The following PAX5 variants were observed in gnomAD, a reference collection of about 807,000 sequenced individuals.
PAX5 encodes the protein paired box protein Pax-5.
A neutral mutation model predicts 43.7 loss-of-function variants in PAX5; 9 were observed. That is an observed-to-expected ratio of 0.21 (90% confidence interval 0.12 to 0.36). The LOEUF (loss-of-function observed/expected upper bound fraction) is 0.36, where lower values mean the gene tolerates loss of function less well. Ranked by LOEUF, PAX5 falls within the 10% of genes least tolerant of loss-of-function variation. The pLI is 1.00. For missense variants in PAX5, 383 were observed against 532.7 expected, an observed-to-expected ratio of 0.72 and a Z score of 2.77; for synonymous variants, 228 against 214.3, an observed-to-expected ratio of 1.06 and a Z score of -0.56.
At chr9:36,942,418 T>C (rs1337068577) in intron 6 of PAX5, among the ~76,000 whole-genome samples, 1 of 152,266 alleles carries the variant, frequency 6.6e-6, no homozygotes, top group African/African-American at 2.4e-5. Context: ...TAGCGTCTGC[T>C]TGCCTTCATA....
intron 8 of PAX5, among the ~76,000 whole-genome samples, chr9:36,857,822 A>G (rs1404841804): frequency 6.6e-6 from 1 of 152,232 alleles, no homozygotes; most frequent in East Asian, 1.9e-4. Flanking sequence ...CAACTCCCCA[A>G]CAAGGCAGCT....
At chr9:36,936,450 A>G (rs1055001039) in intron 6 of PAX5, among the ~76,000 whole-genome samples, 1 of 152,178 alleles carries the variant, frequency 6.6e-6, no homozygotes, top group Non-Finnish European at 1.5e-5. Flanking sequence ...GCAGTCCATG[A>G]TGGGGCCCAG....
In PAX5 at chr9:36,959,638, G is replaced by A. The variant is rs566839524; in HGVS notation, c.780+6911C>T. The stretch of plus-strand genomic sequence containing the variant: ...GTCACCACCCTAGACTTCTGTTTAT[G>A]CCTCCTGAGATCACACTGGTTCATG... On this transcript the variant is annotated intron_variant, in intron 6 of 9. Coordinates refer to ENST00000358127, the MANE Select transcript of PAX5 (RefSeq NM_016734.3). Among the ~76,000 whole-genome samples the A allele has an allele frequency of 1.9e-4, 29 of 152,324 alleles. 1 individual carries two copies. In the South Asian group the frequency reaches 5.8e-3, roughly 30 times the overall value.
At chr9:36,874,952 T>C (rs544459485) in intron 8 of PAX5, among the ~76,000 whole-genome samples, 1 of 152,352 alleles carries the variant, frequency 6.6e-6, no homozygotes, top group East Asian at 1.9e-4. Context: ...CATCACTTAA[T>C]GCTCACATTT....
At chr9:36,985,350 C>T (rs908417642) in intron 5 of PAX5, among the ~76,000 whole-genome samples, 1 of 152,184 alleles carries the variant, frequency 6.6e-6, no homozygotes, top group Admixed American at 6.5e-5. Flanking sequence ...GGTTGGTTCT[C>T]AGTTGTTTAG....
intron 2 of PAX5, among the ~76,000 whole-genome samples, chr9:37,016,945 C>A (rs906660094): frequency 1.3e-5 from 2 of 152,146 alleles, no homozygotes; most frequent in Admixed American, 1.3e-4. Flanking sequence ...AAGAGTGAGT[C>A]ATTTACAAAT....
At chr9:36,842,306 C>A (rs926764188) in intron 9 of PAX5, among the ~76,000 whole-genome samples, 2 of 152,268 alleles carry the variant, frequency 1.3e-5, no homozygotes, top group East Asian at 1.9e-4. Context: ...CAGAGGAAGG[C>A]GGGTGTGTGT....
intron 5 of PAX5, among the ~76,000 whole-genome samples, chr9:36,979,637 A>G (rs903421284): frequency 5.9e-5 from 9 of 152,160 alleles, no homozygotes; most frequent in Admixed American, 1.3e-4. Flanking sequence ...AGAGACGGAA[A>G]GTGGCCTGCC....
At chr9:36,899,727 G>A (rs946184852) in intron 7 of PAX5, among the ~76,000 whole-genome samples, 3 of 152,068 alleles carry the variant, frequency 2.0e-5, no homozygotes, top group African/African-American at 7.2e-5. Context: ...TTTTTCCCCA[G>A]TCCAGGCATC....
intron 1 of PAX5, among the ~76,000 whole-genome samples, chr9:37,033,423 C>T: frequency 6.6e-6 from 1 of 152,172 alleles, no homozygotes; most frequent in Non-Finnish European, 1.5e-5. Flanking sequence ...TTCTCACATC[C>T]AAAAATCACT....
chr9:36,933,242 G>A (rs1189757213), intron 6 of PAX5, among the ~76,000 whole-genome samples: 3 of 151,984 alleles, frequency 2.0e-5, no homozygotes. Flanking sequence ...GCCTGTCACC[G>A]CTCATCAGCC....
chr9:36,946,780 GACAGTTGAGGC>G (rs1466287686), intron 6 of PAX5, among the ~76,000 whole-genome samples: 2 of 152,212 alleles, frequency 1.3e-5, no homozygotes, highest in Non-Finnish European at 2.9e-5. Flanking sequence ...ATCCCCAGGA[GACAGTTGAGGC>G]AACTTCTTTA....
intron 7 of PAX5, among the ~76,000 whole-genome samples, chr9:36,915,403 T>C (rs1292901643): frequency 6.6e-6 from 1 of 152,234 alleles, no homozygotes; most frequent in Non-Finnish European, 1.5e-5. Flanking sequence ...TGTTTTTAAG[T>C]GTCTCATGAT....
At position 37,034,098 on chromosome 9, in the gene PAX5, CTTTTTTTT is replaced by C. The variant is rs576653546; in HGVS notation, c.-75_-68del. ...TCCACTTTTTTGTGCCTTTTTTTTTCTTTTTTTTTTTTTTTTTTTTTTTTTTTTGGTGC... is the reference window on the plus strand; with the variant it reads ...TCCACTTTTTTGTGCCTTTTTTTTTCTTTTTTTTTTTTTTTTTTTTGGTGC... On this transcript the variant is annotated 5_prime_UTR_variant, in exon 1 of 10. Transcript: ENST00000358127. The C allele has an allele frequency of 1.3e-3, 419 of 319,682 alleles. No homozygotes were observed. Among genetic ancestry groups the C allele is most frequent in the Non-Finnish European group, 1.5e-3 (281 of 182,066 alleles). 19.8% of individuals were successfully genotyped at this position (319,682 alleles called of 1,614,324 possible).
chr9:37,020,744 T>A lies in PAX5; in HGVS notation c.104A>T (p.Asp35Val). 2 of 1,613,988 alleles carry A rather than the reference T, an allele frequency of 1.2e-6. No homozygotes were observed. Among genetic ancestry groups the A allele is most frequent in the Non-Finnish European group, 8.5e-7 (1 of 1,180,014 alleles). ...TTCCACTATCCTCTGGCGGACTACA[T>A]CCGGGAGTGGCCGTCCATTCACAAA... ...GVFVNGRPLP[D>V]VVRQRIVELA... The change falls in exon 2 of 10, where the codon GAT (aspartate) becomes GTT (valine). Residue 35 changes from aspartate to valine, a missense_variant. This residue lies in a region of PAX5 where 54 missense variants were observed against 68.6 expected (regional missense o/e 0.79). Coordinates refer to ENST00000358127, the MANE Select transcript of PAX5 (RefSeq NM_016734.3).
chr9:37,019,470 G>C lies in PAX5; in HGVS notation c.212+1166C>G, dbSNP rs559113400. ...TCCCCAAAGGAGCTGCCAGACCCCT[G>C]GTCCTAAAATTTCTTCCCTTGGCCT... On this transcript the variant is annotated intron_variant, in intron 2 of 9. Transcript: ENST00000358127. Among the ~76,000 whole-genome samples the C allele has an allele frequency of 2.0e-5, 3 of 152,244 alleles. No individual in the cohort carries two copies. The East Asian group carries it at 5.8e-4, about 29-fold the overall frequency.
At chr9:36,855,303 G>A (rs1823555280) in intron 8 of PAX5, among the ~76,000 whole-genome samples, 1 of 152,248 alleles carries the variant, frequency 6.6e-6, no homozygotes, top group African/African-American at 2.4e-5. Flanking sequence ...ATCTAGATCT[G>A]TTGTACTTGC....
intron 7 of PAX5, among the ~76,000 whole-genome samples, chr9:36,891,309 G>A (rs1490648665): frequency 6.6e-6 from 1 of 152,246 alleles, no homozygotes; most frequent in Non-Finnish European, 1.5e-5. Context: ...CGAAGCAGAT[G>A]ACAGTGAACA....
intron 1 of PAX5, among the ~76,000 whole-genome samples, chr9:37,028,624 G>A (rs964403442): frequency 5.9e-5 from 9 of 152,338 alleles, no homozygotes; most frequent in African/African-American, 2.2e-4. Context: ...TCTGTCCACC[G>A]GAGAAATTCC....
Sources: gnomAD v4.1 joint callset for allele counts (sites outside exome capture counted in the v4.1 genomes callset) on GRCh38, gnomAD v4.1.1 for gene constraint, gnomAD v4.1.1 regional missense constraint, MANE v1.5 for transcripts, NCBI Gene and HGNC (gene_info 2026-07-23, HGNC 2026-07-21) for gene names.